Variants in F13A1 observed in about 807,000 individuals in gnomAD.
The protein encoded by F13A1 is FSF, A subunit.
Under a neutral mutation model 80.1 loss-of-function variants are expected in F13A1, and 47 were observed. That is an observed-to-expected ratio of 0.59 (90% CI 0.46 to 0.75). The LOEUF (loss-of-function observed/expected upper bound fraction) is 0.75, where lower values mean the gene tolerates loss of function less well. Among genes scored for constraint, F13A1 ranks in the 30% least tolerant of loss-of-function variants. The pLI is 0.00. For missense variants in F13A1, 817 were observed against 930.4 expected (o/e 0.88, Z 1.59); for synonymous variants, 349 against 344.9 (o/e 1.01, Z -0.13).
chr6:6,228,730 T>TGA, intron 6 of F13A1, among the ~76,000 whole-genome samples: 1 of 34,996 alleles, frequency 2.9e-5, no homozygotes, highest in Non-Finnish European at 4.9e-5. Context: ...AGATCCTGTC[T>TGA]CAAAAAAAAA....
chr6:6,186,394 T>C (rs999726430), intron 10 of F13A1, among the ~76,000 whole-genome samples: 37 of 152,242 alleles, frequency 2.4e-4, no homozygotes, highest in Non-Finnish European at 4.3e-4. Flanking sequence ...TGAATTGATT[T>C]TTGTATAAGG....
At chr6:6,295,696 G>GC (rs1206143479) in intron 3 of F13A1, among the ~76,000 whole-genome samples, 1 of 143,776 alleles carries the variant, frequency 7.0e-6, no homozygotes, top group Admixed American at 6.8e-5. Context: ...TCTGTAGGTT[G>GC]CCTGTTCACT....
intron 1 of F13A1, among the ~76,000 whole-genome samples, chr6:6,318,985 C>T (rs7755550): frequency 6.6e-6 from 1 of 152,124 alleles, no homozygotes; most frequent in African/African-American, 2.4e-5. Context: ...CCCAGATTCC[C>T]CCACCCTCCA....
chr6:6,318,873 C>T (rs1400548084), intron 1 of F13A1, among the ~76,000 whole-genome samples, 191 bp from the exon 2 acceptor site: 1 of 151,988 alleles, frequency 6.6e-6, no homozygotes, highest in Non-Finnish European at 1.5e-5. Context: ...AATACAGTTC[C>T]CCAAGGATCT....
chr6:6,180,802 C>T (rs3799559), intron 11 of F13A1, among the ~76,000 whole-genome samples: 33,541 of 152,104 alleles, frequency 0.22, 4,423 homozygotes, highest in East Asian at 0.5. Context: ...ATTCAGCAAG[C>T]TTCTTCTTTG....
At chr6:6,150,308 G>A (rs1328404979) in intron 14 of F13A1, among the ~76,000 whole-genome samples, 1 of 152,068 alleles carries the variant, frequency 6.6e-6, no homozygotes, top group Non-Finnish European at 1.5e-5. Context: ...CGAAAGCAGG[G>A]GTATGGCTGC....
intron 6 of F13A1, among the ~76,000 whole-genome samples, chr6:6,241,142 G>A (rs765615686): frequency 2.2e-4 from 33 of 152,134 alleles, no homozygotes; most frequent in Non-Finnish European, 4.0e-4. Flanking sequence ...CATAGAAAGA[G>A]ACAATAACAC....
intron 4 of F13A1, among the ~76,000 whole-genome samples, chr6:6,256,960 C>T (rs1026295541): frequency 2.0e-5 from 3 of 152,146 alleles, no homozygotes; most frequent in Non-Finnish European, 4.4e-5. Flanking sequence ...CAGTTTAAAC[C>T]AGAGTTTGGT....
intron 3 of F13A1, among the ~76,000 whole-genome samples, chr6:6,291,980 T>C (rs1405895025): frequency 6.6e-6 from 1 of 152,150 alleles, no homozygotes; most frequent in African/African-American, 2.4e-5. Flanking sequence ...CACCATCTCC[T>C]TGGTGGAGGC....
At chr6:6,202,618 A>C (rs990609395) in intron 8 of F13A1, among the ~76,000 whole-genome samples, 2 of 152,242 alleles carry the variant, frequency 1.3e-5, no homozygotes, top group Admixed American at 1.3e-4. Context: ...AAGTAAAAAA[A>C]TTCTAAATCT....
intron 2 of F13A1, among the ~76,000 whole-genome samples, chr6:6,317,994 G>A (rs1385139058): frequency 6.6e-6 from 1 of 152,192 alleles, no homozygotes; most frequent in Non-Finnish European, 1.5e-5. Flanking sequence ...TGGGGAAGCA[G>A]CTTGCCTTGC....
intron 3 of F13A1, among the ~76,000 whole-genome samples, chr6:6,300,597 C>T (rs529350212): frequency 7.2e-5 from 11 of 152,278 alleles, no homozygotes; most frequent in Admixed American, 2.0e-4. Flanking sequence ...CGCCCTGCTT[C>T]GGCTCGCGCA....
chr6:6,237,797 A>G (rs1757432268), intron 6 of F13A1, among the ~76,000 whole-genome samples: 1 of 152,160 alleles, frequency 6.6e-6, no homozygotes, highest in African/African-American at 2.4e-5. Context: ...TTTTGACTTT[A>G]TATTCCCAGG....
intron 8 of F13A1, among the ~76,000 whole-genome samples, chr6:6,208,093 G>A (rs1761526926): frequency 6.6e-6 from 1 of 152,124 alleles, no homozygotes; most frequent in Admixed American, 6.5e-5. Flanking sequence ...GGACTTACAA[G>A]ACAAAGATCT....
intron 11 of F13A1, among the ~76,000 whole-genome samples, chr6:6,181,438 A>G (rs1427607044): frequency 6.6e-6 from 1 of 152,240 alleles, no homozygotes; most frequent in African/African-American, 2.4e-5. Context: ...ATAAAAGTTA[A>G]CAAAAACCCA....
Position 6,318,596 on chromosome 6 carries a change from C to T in F13A1, c.69G>A (p.Ala23=), listed in dbSNP as rs375325264. ...RAVPPNNSNA[A]EDDLPTVELQ... ...GCTCCACTGTGGGCAGGTCATCTTCCGCTGCATTAGAGTTATTGGGTGGAA... is the reference window on the plus strand; with the variant it reads ...GCTCCACTGTGGGCAGGTCATCTTCTGCTGCATTAGAGTTATTGGGTGGAA... The change falls in exon 2 of 15, where the codon GCG becomes GCA. Residue 23 remains alanine, a synonymous_variant. Coordinates refer to ENST00000264870, the MANE Select transcript of F13A1 (RefSeq NM_000129.4). The T allele has an allele frequency of 6.2e-6, 10 of 1,613,534 alleles. No individual in the cohort carries two copies. The highest frequency in any genetic ancestry group is 4.5e-5 in the East Asian group (2 of 44,876).
intron 6 of F13A1, among the ~76,000 whole-genome samples, chr6:6,226,655 G>T (rs1427491409): frequency 6.6e-6 from 1 of 151,868 alleles, no homozygotes; most frequent in African/African-American, 2.4e-5. Flanking sequence ...AATTCATTGG[G>T]AACAAAGAAA....
intron 2 of F13A1, among the ~76,000 whole-genome samples, chr6:6,311,769 T>A (rs1403264699): frequency 6.9e-6 from 1 of 144,714 alleles, no homozygotes; most frequent in African/African-American, 2.5e-5. Context: ...TATATATTTA[T>A]ATATTATATA....
chr6:6,205,557 C>T (rs1488281110), intron 8 of F13A1, among the ~76,000 whole-genome samples: 1 of 152,188 alleles, frequency 6.6e-6, no homozygotes, highest in African/African-American at 2.4e-5. Flanking sequence ...TTTCCACTCT[C>T]TTCTTAAGCT....
Sources: gnomAD v4.1 joint callset for allele counts (sites outside exome capture counted in the v4.1 genomes callset) on GRCh38, gnomAD v4.1.1 for gene constraint, MANE v1.5 for transcripts, NCBI Gene and HGNC (gene_info 2026-07-23, HGNC 2026-07-21) for gene names.